FARS2: variants seen among roughly 807,000 people sequenced by gnomAD.
The protein encoded by FARS2 is phenylalanine--tRNA ligase, mitochondrial.
A neutral mutation model predicts 46.4 loss-of-function variants in FARS2; 40 were observed. The observed-to-expected ratio is 0.86, with a 90% CI of 0.67 to 1.12. The LOEUF (loss-of-function observed/expected upper bound fraction) is 1.12, where lower values mean the gene tolerates loss of function less well. FARS2 is among the 50% of genes most tolerant of loss of function. The probability of loss-of-function intolerance (pLI) is 0.00; values close to 1 mark genes in which losing one functional copy is unlikely to be tolerated. For missense variants in FARS2, 513 were observed against 567.9 expected, an observed-to-expected ratio of 0.90 and a Z score of 0.98; for synonymous variants, 234 against 214.9, an observed-to-expected ratio of 1.09 and a Z score of -0.78.
At chr6:5,329,857 C>G (rs1387771146) in intron 1 of FARS2, among the ~76,000 whole-genome samples, 1 of 152,204 alleles carries the variant, frequency 6.6e-6, no homozygotes, top group African/African-American at 2.4e-5. Flanking sequence ...GATGTTTTCT[C>G]AACTCTGTGG....
intron 3 of FARS2, among the ~76,000 whole-genome samples, chr6:5,416,026 T>C (rs150297772): frequency 6.6e-6 from 1 of 152,312 alleles, no homozygotes; most frequent in East Asian, 1.9e-4. Context: ...TTTTATTGAT[T>C]TTTGAAACTG....
At chr6:5,288,535 C>G (rs550158316) in intron 1 of FARS2, among the ~76,000 whole-genome samples, 7 of 152,294 alleles carry the variant, frequency 4.6e-5, no homozygotes, top group Admixed American at 1.3e-4. Flanking sequence ...TCTAATGCTA[C>G]TGAGTTTGAT....
rs147138291 is a variant in FARS2 at position 5,712,028 on chromosome 6, A to G, written c.1218-59263A>G. Among the ~76,000 whole-genome samples, 661 of 152,354 alleles carry G rather than the reference A, an allele frequency of 4.3e-3. 7 individuals are homozygous for G. Among genetic ancestry groups the G allele is most frequent in the African/African-American group, 0.015 (639 of 41,574 alleles). On this transcript the variant is annotated intron_variant, in intron 6 of 6. Coordinates refer to ENST00000274680, the MANE Select transcript of FARS2 (RefSeq NM_006567.5). ...AAGCTTCTAAAATAAAAAGTTTATT[A>G]AAAAGTAATTATATAAACTTAATTA...
At chr6:5,625,895 G>T (rs764170355) in intron 6 of FARS2, among the ~76,000 whole-genome samples, 3 of 152,200 alleles carry the variant, frequency 2.0e-5, no homozygotes, top group Non-Finnish European at 2.9e-5. Flanking sequence ...TCTCAGATGC[G>T]CAGGTGGTGG....
chr6:5,708,051 C>CA (rs1758871695), intron 6 of FARS2, among the ~76,000 whole-genome samples: 1 of 152,084 alleles, frequency 6.6e-6, no homozygotes, highest in African/African-American at 2.4e-5. Flanking sequence ...TGGAACAGGT[C>CA]AGAGGGGGCT....
At chr6:5,380,433 C>T (rs1479279797) in intron 2 of FARS2, among the ~76,000 whole-genome samples, 1 of 152,146 alleles carries the variant, frequency 6.6e-6, no homozygotes, top group African/African-American at 2.4e-5. Context: ...AGAAATTATG[C>T]TCTTTAACAG....
chr6:5,700,166 G>A (rs1248537145), intron 6 of FARS2, among the ~76,000 whole-genome samples: 2 of 152,144 alleles, frequency 1.3e-5, no homozygotes, highest in South Asian at 2.1e-4. Flanking sequence ...TACAAGTCAC[G>A]GAGACATAAA....
intron 1 of FARS2, among the ~76,000 whole-genome samples, chr6:5,329,549 G>A (rs926543108): frequency 4.6e-5 from 7 of 152,098 alleles, no homozygotes; most frequent in Admixed American, 4.6e-4. Context: ...ACTGTCTGGG[G>A]TTAGCCCAGA....
chr6:5,392,787 T>G (rs1760619906), intron 2 of FARS2, among the ~76,000 whole-genome samples: 1 of 143,950 alleles, frequency 6.9e-6, no homozygotes, highest in African/African-American at 2.6e-5. Flanking sequence ...TATATGTGTG[T>G]ATATATACAT....
At chr6:5,367,506 G>A (rs1293078594) in intron 1 of FARS2, among the ~76,000 whole-genome samples, 1 of 151,904 alleles carries the variant, frequency 6.6e-6, no homozygotes, top group Non-Finnish European at 1.5e-5. Context: ...ACAGCCCTTT[G>A]CGGTTGTCTT....
At chr6:5,438,665 C>T (rs1476166741) in intron 4 of FARS2, among the ~76,000 whole-genome samples, 2 of 152,074 alleles carry the variant, frequency 1.3e-5, no homozygotes, top group African/African-American at 4.8e-5. Flanking sequence ...TATCCATTAT[C>T]CAAAATGCTT....
chr6:5,739,418 C>A (rs574631747), intron 6 of FARS2, among the ~76,000 whole-genome samples: 1 of 152,120 alleles, frequency 6.6e-6, no homozygotes, highest in Admixed American at 6.5e-5. Context: ...GTTGGAACAC[C>A]TGCCTGTTGT....
chr6:5,361,719 TTG>T (rs1490840919), intron 1 of FARS2, among the ~76,000 whole-genome samples: 1 of 152,152 alleles, frequency 6.6e-6, no homozygotes, highest in Non-Finnish European at 1.5e-5. Context: ...TTGATAGAAA[TTG>T]TGTGAGTATT....
intron 4 of FARS2, among the ~76,000 whole-genome samples, chr6:5,431,481 C>A (rs1468015957): frequency 6.6e-6 from 1 of 152,190 alleles, no homozygotes; most frequent in Non-Finnish European, 1.5e-5. Context: ...AAGACATTTG[C>A]TGCATGTCAC....
At chr6:5,744,728 A>G (rs1761543355) in intron 6 of FARS2, among the ~76,000 whole-genome samples, 1 of 152,238 alleles carries the variant, frequency 6.6e-6, no homozygotes. Context: ...CTTCTGCAAC[A>G]CACCTCAAAG....
intron 2 of FARS2, among the ~76,000 whole-genome samples, chr6:5,375,670 T>C (rs1355732590): frequency 6.6e-6 from 1 of 152,082 alleles, no homozygotes; most frequent in African/African-American, 2.4e-5. Context: ...TTGCAACAGC[T>C]CTACTTCATA....
At chr6:5,352,804 G>A (rs562555900) in intron 1 of FARS2, among the ~76,000 whole-genome samples, 160 of 150,864 alleles carry the variant, frequency 1.1e-3, no homozygotes, top group Non-Finnish European at 1.3e-3. Flanking sequence ...ACACATAATC[G>A]TACATATGTA....
chr6:5,313,646 T>G (rs1488874538), intron 1 of FARS2, among the ~76,000 whole-genome samples: 2 of 151,992 alleles, frequency 1.3e-5, no homozygotes, highest in African/African-American at 4.8e-5. Context: ...GGAGAAGTGT[T>G]TGGAGGGAGG....
At chr6:5,658,023 G>A (rs1376134069) in intron 6 of FARS2, among the ~76,000 whole-genome samples, 2 of 152,196 alleles carry the variant, frequency 1.3e-5, no homozygotes, top group African/African-American at 2.4e-5. Context: ...TTGGGAGGCC[G>A]AGGTGGGCGG....
Sources: allele counts gnomAD v4.1 joint callset (sites outside exome capture counted in the v4.1 genomes callset), GRCh38; gene constraint gnomAD v4.1.1; transcripts MANE v1.5; gene names NCBI Gene and HGNC (gene_info 2026-07-23, HGNC 2026-07-21).